Variants in FGF13 observed in about 807,000 individuals in gnomAD.
FGF13 encodes the protein fibroblast growth factor 13.
FGF13 carries 2 observed loss-of-function variants against 19.5 expected under a neutral mutation model. The ratio of observed to expected loss-of-function variants is 0.10; its 90% CI spans 0.04 to 0.32. The LOEUF (loss-of-function observed/expected upper bound fraction) is 0.32. Ranked by LOEUF, FGF13 falls within the 10% of genes least tolerant of loss-of-function variation. The pLI, the probability that FGF13 is intolerant of heterozygous loss-of-function variation, is 1.00. For synonymous variants in FGF13, 72 were observed against 76.9 expected (o/e 0.94, Z 0.33); for missense variants, 113 against 192.7 (o/e 0.59, Z 2.45).
intron 1 of FGF13, among the ~76,000 whole-genome samples, chrX:139,007,466 ATTG>A (rs1216267417): frequency 8.9e-6 from 1 of 111,979 alleles, no homozygotes; most frequent in Non-Finnish European, 1.9e-5. Context: ...ACAAACAAAC[ATTG>A]GACTTAATCT....
At chrX:139,023,425 T>C (rs1185842538) in intron 1 of FGF13, among the ~76,000 whole-genome samples, 1 of 110,370 alleles carries the variant, frequency 9.1e-6, no homozygotes, top group Non-Finnish European at 1.9e-5. Context: ...AAGTGTAAAT[T>C]GTAGCAAAAA....
intron 1 of FGF13, among the ~76,000 whole-genome samples, chrX:139,201,806 T>C (rs368119617): frequency 8.9e-6 from 1 of 112,330 alleles, no homozygotes; most frequent in South Asian, 3.8e-4. Flanking sequence ...TACTAATGGC[T>C]ACTACACACT....
At chrX:138,647,820 C>T (rs1169015702) in intron 3 of FGF13, among the ~76,000 whole-genome samples, 1 of 111,901 alleles carries the variant, frequency 8.9e-6, no homozygotes, top group Non-Finnish European at 1.9e-5. Flanking sequence ...ACTTCATAAG[C>T]TTTGTACAAC....
At position 138,984,361 on chromosome X, in the gene FGF13, T is replaced by C. The variant is rs775654677; in HGVS notation, c.-112-119711A>G. The stretch of plus-strand genomic sequence containing the variant: ...AGGCGGAGGTTGTAGTGAACCGAGA[T>C]TGCACCACTGCACTCCAGCCTCCAG... On this transcript the variant is annotated intron_variant, in intron 1 of 2. Transcript: ENST00000421460. Among the ~76,000 whole-genome samples the C allele has an allele frequency of 1.9e-4, 17 of 91,888 alleles. No individual in the cohort carries two copies. The East Asian group carries it at 5.1e-3, about 27-fold the overall frequency. The allele number at this position is 91,888 out of a possible 115,157, so 79.8% of individuals were successfully genotyped here.
chrX:138,857,428 A>G, downstream of FGF13: 2 of 997,024 alleles, frequency 2.0e-6, no homozygotes, highest in Non-Finnish European at 2.7e-6. Context: ...ACAGCACACC[A>G]GAGGGCAATG....
At chrX:138,814,510 A>C (rs2090948680) in intron 3 of FGF13, among the ~76,000 whole-genome samples, 1 of 111,580 alleles carries the variant, frequency 9.0e-6, no homozygotes, top group African/African-American at 3.3e-5. Flanking sequence ...AATAGCAAGA[A>C]AACAAATAAC....
intron 3 of FGF13, among the ~76,000 whole-genome samples, chrX:138,694,986 AACACACAC>A (rs745359063): frequency 0.16 from 13,266 of 84,524 alleles, 812 homozygotes; most frequent in South Asian, 0.24. Context: ...TACTAGTTGA[AACACACAC>A]ACACACACAC....
intron 3 of FGF13, among the ~76,000 whole-genome samples, chrX:138,809,658 C>A (rs1390727298): frequency 9.0e-6 from 1 of 111,581 alleles, no homozygotes; most frequent in Non-Finnish European, 1.9e-5. Context: ...GTCAAATTGT[C>A]CCCGTTTGCA....
chrX:138,815,444 G>A lies in FGF13; in HGVS notation c.217+42068C>T, dbSNP rs554106333. On this transcript the variant is annotated intron_variant, in intron 3 of 6. Coordinates refer to the FGF13 transcript ENST00000436198. ...ATGTCACACCGTACATTGTAAATAC[G>A]TAAAATTTTTATTGGTCAATTATAT... is the stretch of plus-strand genomic sequence containing the variant. Among the ~76,000 whole-genome samples the A allele has an allele frequency of 2.7e-3, 303 of 110,218 alleles. 1 individual carries two copies. In the South Asian group the frequency reaches 0.046, roughly 17 times the overall value.
chrX:138,670,298 C>A (rs2089598090), intron 3 of FGF13, among the ~76,000 whole-genome samples: 1 of 111,156 alleles, frequency 9.0e-6, no homozygotes, highest in Admixed American at 9.6e-5. Flanking sequence ...TTTAGAGATC[C>A]CTTTATACGT....
At chrX:139,122,660 A>G (rs935125401) in intron 1 of FGF13, among the ~76,000 whole-genome samples, 4 of 111,561 alleles carry the variant, frequency 3.6e-5, no homozygotes, top group African/African-American at 1.3e-4. Context: ...CAGGCTTCTC[A>G]AAATTCAACA....
intron 3 of FGF13, among the ~76,000 whole-genome samples, chrX:138,810,889 A>T (rs1233652692): frequency 1.8e-5 from 2 of 111,872 alleles, no homozygotes; most frequent in African/African-American, 6.5e-5. Context: ...TCAAAACCAC[A>T]ATGAGATACC....
intron 1 of FGF13, among the ~76,000 whole-genome samples, chrX:138,983,357 G>A (rs968753801): frequency 3.5e-5 from 2 of 57,374 alleles, no homozygotes; most frequent in African/African-American, 1.1e-4. Context: ...ATTCATAGAA[G>A]AGGCTATTCT....
chrX:139,070,971 A>G (rs1300972360), intron 1 of FGF13, among the ~76,000 whole-genome samples: 1 of 110,048 alleles, frequency 9.1e-6, no homozygotes, highest in Non-Finnish European at 1.9e-5. Flanking sequence ...GGAACATCAC[A>G]CACTGAGGCC....
intron 3 of FGF13, among the ~76,000 whole-genome samples, chrX:138,653,446 A>G (rs2089399476): frequency 8.9e-6 from 1 of 111,958 alleles, no homozygotes; most frequent in African/African-American, 3.2e-5. Flanking sequence ...TAAAATTAAA[A>G]AGTTAAATTT....
chrX:139,191,876 G>C (rs967274180), intron 1 of FGF13, among the ~76,000 whole-genome samples: 1 of 111,633 alleles, frequency 9.0e-6, no homozygotes, highest in Non-Finnish European at 1.9e-5. Context: ...GCTATCATAA[G>C]GGTCAAAATA....
intron 1 of FGF13, among the ~76,000 whole-genome samples, chrX:139,102,375 G>C (rs1235062098): frequency 9.0e-6 from 1 of 110,977 alleles, no homozygotes; most frequent in Non-Finnish European, 1.9e-5. Context: ...GGGACAGGAT[G>C]AGCAAAAAAA....
chrX:139,073,132 T>TC (rs2092382028), intron 1 of FGF13, among the ~76,000 whole-genome samples: 7 of 99,847 alleles, frequency 7.0e-5, no homozygotes, highest in East Asian at 3.0e-4. Context: ...GGAGCTGTTT[T>TC]TCCCCCCCCC....
chrX:138,840,703 G>C (rs1602942770), intron 3 of FGF13, among the ~76,000 whole-genome samples: 1 of 111,346 alleles, frequency 9.0e-6, no homozygotes, highest in South Asian at 3.8e-4. Context: ...GAATTGAGGA[G>C]TGATGTTAAA....
Sources: gnomAD v4.1 joint callset for allele counts (sites outside exome capture counted in the v4.1 genomes callset) on GRCh38, gnomAD v4.1.1 for gene constraint, MANE v1.5 for transcripts, NCBI Gene and HGNC (gene_info 2026-07-23, HGNC 2026-07-21) for gene names.